The following ROBO2 variants were observed in gnomAD, a reference collection of about 807,000 sequenced individuals.
ROBO2 encodes roundabout guidance receptor 2, also known as roundabout homolog 2.
A neutral mutation model predicts 160.8 loss-of-function variants in ROBO2; 53 were observed. The observed-to-expected ratio is 0.33, with a 90% confidence interval of 0.26 to 0.41. ROBO2 has a LOEUF of 0.41. Ranked by LOEUF, ROBO2 falls within the 10% of genes least tolerant of loss-of-function variation. The pLI, the probability that ROBO2 is intolerant of heterozygous loss-of-function variation, is 1.00. For missense variants in ROBO2, 1,577 were observed against 1,722.4 expected, an observed-to-expected ratio of 0.92 and a Z score of 1.49; for synonymous variants, 664 against 611.7, an observed-to-expected ratio of 1.09 and a Z score of -1.26.
At chr3:76,539,086 A>C (rs565679036) in intron 2 of ROBO2, among the ~76,000 whole-genome samples, 16 of 152,282 alleles carry the variant, frequency 1.1e-4, no homozygotes, top group Non-Finnish European at 2.1e-4. Context: ...CAGCAAACTA[A>C]CACAGGAACA....
intron 2 of ROBO2, among the ~76,000 whole-genome samples, chr3:77,439,324 CATG>C (rs2079656594): frequency 1.3e-5 from 2 of 151,936 alleles, no homozygotes; most frequent in African/African-American, 4.8e-5. Context: ...AGGATTTGAA[CATG>C]ATGATCAAGG....
intron 2 of ROBO2, among the ~76,000 whole-genome samples, chr3:75,947,193 G>A (rs1204320359): frequency 6.7e-6 from 1 of 148,690 alleles, no homozygotes; most frequent in African/African-American, 2.4e-5. Flanking sequence ...AGATGCATAT[G>A]TATGATTGAT....
chr3:77,153,940 A>G (rs1313967955), intron 2 of ROBO2, among the ~76,000 whole-genome samples: 1 of 152,158 alleles, frequency 6.6e-6, no homozygotes, highest in Non-Finnish European at 1.5e-5. Flanking sequence ...TCTAAAATTT[A>G]GGAGAATCTT....
At chr3:77,568,231 C>T in intron 12 of ROBO2, 82 bp from the exon 14 acceptor site, 2 of 1,506,204 alleles carry the variant, frequency 1.3e-6, no homozygotes, top group African/African-American at 1.4e-5. Context: ...GTTCTAAAGA[C>T]ATGAGGTTGA....
chr3:76,113,589 C>G (rs1038508135), intron 2 of ROBO2, among the ~76,000 whole-genome samples: 38 of 152,200 alleles, frequency 2.5e-4, no homozygotes, highest in Non-Finnish European at 4.9e-4. Flanking sequence ...TATCGGAGTA[C>G]TTGAAGTTTA....
intron 2 of ROBO2, among the ~76,000 whole-genome samples, chr3:76,535,023 AG>A (rs1366530475): frequency 3.3e-5 from 5 of 152,176 alleles, no homozygotes; most frequent in African/African-American, 1.2e-4. Flanking sequence ...ACCTTGGGGT[AG>A]GACAGTCTGG....
chr3:76,708,990 G>A (rs1204927594), intron 2 of ROBO2, among the ~76,000 whole-genome samples: 1 of 152,178 alleles, frequency 6.6e-6, no homozygotes, highest in East Asian at 1.9e-4. Context: ...GGACAATTGG[G>A]TAGATGAGGG....
At chr3:75,907,852 C>CGTGTGTGTGT (rs56058203) in intron 1 of ROBO2, among the ~76,000 whole-genome samples, 1,878 of 148,652 alleles carry the variant, frequency 0.013, 22 homozygotes, top group African/African-American at 0.022. Flanking sequence ...TAATCGTGTG[C>CGTGTGTGTGT]GTGTGTGTGT....
chr3:76,532,074 T>C (rs898940546), intron 2 of ROBO2, among the ~76,000 whole-genome samples: 2 of 152,202 alleles, frequency 1.3e-5, no homozygotes, highest in African/African-American at 4.8e-5. Context: ...CTGCCTCTCC[T>C]GGCCTCACTT....
At chr3:77,329,662 C>T (rs2065787706) in intron 2 of ROBO2, among the ~76,000 whole-genome samples, 1 of 152,170 alleles carries the variant, frequency 6.6e-6, no homozygotes, top group Non-Finnish European at 1.5e-5. Context: ...TTCTCTCCTG[C>T]CCTGTGCCTC....
chr3:77,436,632 G>A (rs1200072813), intron 2 of ROBO2, among the ~76,000 whole-genome samples: 1 of 151,800 alleles, frequency 6.6e-6, no homozygotes, highest in South Asian at 2.1e-4. Flanking sequence ...GACCTTCTGA[G>A]TTGATGTAAA....
chr3:76,538,751 C>A (rs1389281939), intron 2 of ROBO2, among the ~76,000 whole-genome samples: 1 of 152,172 alleles, frequency 6.6e-6, no homozygotes, highest in Non-Finnish European at 1.5e-5. Flanking sequence ...TCCCTTCCCT[C>A]TCTAGTGATC....
At chr3:77,045,735 T>C (rs929442075) in intron 1 of ROBO2, among the ~76,000 whole-genome samples, 1 of 152,204 alleles carries the variant, frequency 6.6e-6, no homozygotes, top group Non-Finnish European at 1.5e-5. Context: ...AAAATGTTCT[T>C]AATTACCCAA....
intron 20 of ROBO2, among the ~76,000 whole-genome samples, chr3:77,605,179 G>GTATATATATAGTATATATATACA (rs2094502705): frequency 6.9e-6 from 1 of 145,124 alleles, no homozygotes; most frequent in Non-Finnish European, 1.5e-5. Context: ...AAAAAAAAAA[G>GTATATATATAGTATATATATACA]TATATATATA....
At chr3:77,297,921 CAGAAAGAGT>C (rs1444964918) in intron 2 of ROBO2, among the ~76,000 whole-genome samples, 7 of 152,044 alleles carry the variant, frequency 4.6e-5, no homozygotes, top group Non-Finnish European at 1.0e-4. Flanking sequence ...TAACAGAGGT[CAGAAAGAGT>C]AGAAAGAGTC....
rs2065148564 is a variant in ROBO2, at chr3:75,976,900, CATT to C, written c.109+39301_109+39303del. ...CCATAGACTGGAATAATTAAAGACTCATTATCTGTATGGTGTGTTTTATTTTTA... is the reference window on the plus strand; with the variant it reads ...CCATAGACTGGAATAATTAAAGACTCATCTGTATGGTGTGTTTTATTTTTA... On this transcript the variant is annotated intron_variant, in intron 2 of 26. Transcript: ENST00000487694. 7.9e-5 allele frequency among the ~76,000 whole-genome samples: 12 copies of C among 151,596 alleles called. No homozygotes were observed. In the South Asian group the frequency reaches 2.5e-3, roughly 31 times the overall value.
chr3:77,315,756 G>C (rs555262302), intron 2 of ROBO2, among the ~76,000 whole-genome samples: 1 of 152,226 alleles, frequency 6.6e-6, no homozygotes, highest in Admixed American at 6.5e-5. Context: ...TAATAAGAGT[G>C]ACATTCAACA....
At chr3:76,151,826 T>G (rs2072218437) in intron 2 of ROBO2, among the ~76,000 whole-genome samples, 1 of 152,158 alleles carries the variant, frequency 6.6e-6, no homozygotes, top group Admixed American at 6.6e-5. Flanking sequence ...ATCATCATCA[T>G]CATCATCGGA....
chr3:77,266,378 T>G lies in ROBO2; in HGVS notation c.388+168038T>G, dbSNP rs72895121. On this transcript the variant is annotated intron_variant, in intron 2 of 25. Coordinates refer to ENST00000461745, the Ensembl canonical transcript of ROBO2. ...TCACCTGTTATCTCTTCCCTTTCCT[T>G]GTCCGTATTATTTTCCTTCTAGAAC... is the stretch of plus-strand genomic sequence containing the variant. 9.3e-3 allele frequency among the ~76,000 whole-genome samples: 1,413 copies of G among 152,174 alleles called. 24 individuals are homozygous for G. Among genetic ancestry groups the G allele is most frequent in the African/African-American group, 0.032 (1,315 of 41,532 alleles).
Sources: allele counts gnomAD v4.1 joint callset (sites outside exome capture counted in the v4.1 genomes callset), GRCh38; gene constraint gnomAD v4.1.1; transcripts MANE v1.5; gene names NCBI Gene and HGNC (gene_info 2026-07-23, HGNC 2026-07-21).